NELL2: variants seen among roughly 807,000 people sequenced by gnomAD.
The protein encoded by NELL2 is neural EGFL like 2, also known as protein kinase C-binding protein NELL2.
Under a neutral mutation model 109.6 loss-of-function variants are expected in NELL2, and 41 were observed. The ratio of observed to expected loss-of-function variants is 0.37; its 90% CI spans 0.29 to 0.49. The LOEUF is 0.49. NELL2 is among the 20% of genes least tolerant of loss of function. The probability of loss-of-function intolerance (pLI) is 0.98; values close to 1 mark genes in which losing one functional copy is unlikely to be tolerated. For synonymous variants in NELL2, 355 were observed against 344.7 expected, an observed-to-expected ratio of 1.03 and a Z score of -0.33; for missense variants, 900 against 1,008.3, an observed-to-expected ratio of 0.89 and a Z score of 1.45.
At chr12:44,533,966 A>T (rs747951330) in intron 15 of NELL2, among the ~76,000 whole-genome samples, 4 of 152,076 alleles carry the variant, frequency 2.6e-5, no homozygotes, top group African/African-American at 4.8e-5. Flanking sequence ...CACCTGAATC[A>T]TATTCCCTGC....
chr12:44,825,844 G>A (rs139775936), intron 2 of NELL2, among the ~76,000 whole-genome samples: 9 of 151,426 alleles, frequency 5.9e-5, no homozygotes, highest in Non-Finnish European at 1.2e-4. Flanking sequence ...TCAGGATTTC[G>A]AGACCAGCCT....
intron 15 of NELL2, among the ~76,000 whole-genome samples, chr12:44,606,053 C>T (rs1263371929): frequency 5.3e-5 from 8 of 152,230 alleles, no homozygotes. Context: ...AAGAAAGAAT[C>T]CTACATACCA....
intron 2 of NELL2, among the ~76,000 whole-genome samples, chr12:44,823,749 T>C (rs1943616179): frequency 6.6e-6 from 1 of 152,254 alleles, no homozygotes; most frequent in South Asian, 2.1e-4. Flanking sequence ...TTTAGATATA[T>C]ACCCAGAAGT....
chr12:44,796,897 T>C (rs1347252455), intron 3 of NELL2, among the ~76,000 whole-genome samples: 2 of 152,094 alleles, frequency 1.3e-5, no homozygotes, highest in East Asian at 3.9e-4. Context: ...TGACCACTTG[T>C]AAATTACAGG....
intron 13 of NELL2, among the ~76,000 whole-genome samples, chr12:44,633,558 G>T (rs1946530024): frequency 6.6e-6 from 1 of 152,094 alleles, no homozygotes; most frequent in African/African-American, 2.4e-5. Context: ...CAAGTCTTTT[G>T]CTTTGAGTTC....
At position 44,715,565 on chromosome 12, in the gene NELL2, C is replaced by A. The variant is rs537761895; in HGVS notation, c.995-824G>T. Among the ~76,000 whole-genome samples the A allele has an allele frequency of 6.6e-5, 10 of 152,126 alleles. No homozygotes were observed. The South Asian group carries it at 2.1e-3, about 32-fold the overall frequency. ...AAAGCTAATGATGCCTAATTTTCAG[C>A]GTCCTTCTCTGGCTTAGGCTCCTTG... On this transcript the variant is annotated intron_variant, in intron 9 of 19. Coordinates refer to ENST00000429094, the MANE Select transcript of NELL2 (RefSeq NM_001145108.2).
chr12:44,741,223 T>C (rs1242572688), intron 9 of NELL2, among the ~76,000 whole-genome samples: 2 of 152,210 alleles, frequency 1.3e-5, no homozygotes, highest in Non-Finnish European at 2.9e-5. Context: ...ATGATTTTCT[T>C]AATAACATTT....
chr12:44,526,958 G>A (rs535317414), intron 16 of NELL2, among the ~76,000 whole-genome samples: 15 of 152,218 alleles, frequency 9.9e-5, no homozygotes, highest in African/African-American at 3.6e-4. Flanking sequence ...TTCAAACTTC[G>A]TAGTACGGTA....
intron 15 of NELL2, among the ~76,000 whole-genome samples, chr12:44,551,159 A>G (rs982526708): frequency 1.3e-5 from 2 of 152,200 alleles, no homozygotes; most frequent in Non-Finnish European, 2.9e-5. Context: ...TTAATTATAT[A>G]CAGCCTTTTG....
upstream of NELL2, among the ~76,000 whole-genome samples, chr12:44,914,507 T>C (rs1333051725): frequency 1.3e-5 from 2 of 152,196 alleles, no homozygotes; most frequent in African/African-American, 4.8e-5. Context: ...ACTCACATTT[T>C]CTAGTGCCTC....
At chr12:44,921,031 A>G (rs1945864422) in intron 1 of NELL2, among the ~76,000 whole-genome samples, 1 of 152,134 alleles carries the variant, frequency 6.6e-6, no homozygotes, top group Non-Finnish European at 1.5e-5. Flanking sequence ...TTGAGATCCT[A>G]ATCTACGTAC....
At chr12:44,669,237 A>T (rs1160535618) in intron 12 of NELL2, among the ~76,000 whole-genome samples, 1 of 152,142 alleles carries the variant, frequency 6.6e-6, no homozygotes, top group East Asian at 1.9e-4. Flanking sequence ...ACATCTATAG[A>T]AAAAAGTCTT....
intron 9 of NELL2, among the ~76,000 whole-genome samples, chr12:44,773,901 T>TC (rs10645124): frequency 0.31 from 34,943 of 112,458 alleles, 4,236 homozygotes; most frequent in South Asian, 0.35. Flanking sequence ...TGCTACTGTC[T>TC]TTCTCTCCAC....
At chr12:44,639,560 T>C (rs1237172098) in intron 13 of NELL2, among the ~76,000 whole-genome samples, 1 of 152,198 alleles carries the variant, frequency 6.6e-6, no homozygotes, top group Non-Finnish European at 1.5e-5. Context: ...TCTAGAAATA[T>C]GAGACTCACT....
At chr12:44,735,600 T>C (rs978905614) in intron 9 of NELL2, among the ~76,000 whole-genome samples, 1 of 152,138 alleles carries the variant, frequency 6.6e-6, no homozygotes, top group African/African-American at 2.4e-5. Context: ...TTCTGTCCCC[T>C]TTGCCCCAGA....
intron 15 of NELL2, among the ~76,000 whole-genome samples, chr12:44,584,475 T>C (rs1223166075): frequency 6.6e-6 from 1 of 152,228 alleles, no homozygotes; most frequent in African/African-American, 2.4e-5. Flanking sequence ...CAGCTCTTTC[T>C]GTTTCATAAG....
intron 1 of NELL2, among the ~76,000 whole-genome samples, chr12:44,889,794 T>G (rs2136868033): frequency 6.6e-6 from 1 of 152,360 alleles, no homozygotes; most frequent in African/African-American, 2.4e-5. Context: ...AAAATAATTC[T>G]CTTTTTCTAA....
At chr12:44,519,831 T>C (rs1941443550) in intron 19 of NELL2, among the ~76,000 whole-genome samples, 174 bp downstream of exon 19, 1 of 146,952 alleles carries the variant, frequency 6.8e-6, no homozygotes. Context: ...ATCAGATGGA[T>C]GTCCATGACA....
intron 11 of NELL2, 119 bp downstream of exon 11, chr12:44,711,173 G>A: frequency 1.4e-6 from 1 of 702,396 alleles, no homozygotes; most frequent in East Asian, 2.8e-5. Flanking sequence ...AGAGCATATA[G>A]GGAAATACTA....
Sources: allele counts gnomAD v4.1 joint callset (sites outside exome capture counted in the v4.1 genomes callset), GRCh38; gene constraint gnomAD v4.1.1; transcripts MANE v1.5; gene names NCBI Gene and HGNC (gene_info 2026-07-23, HGNC 2026-07-21).